NEDD4: variants seen among roughly 807,000 people sequenced by gnomAD.
NEDD4 encodes E3 ubiquitin-protein ligase NEDD4.
NEDD4 carries 99 observed loss-of-function variants against 144.9 expected under a neutral mutation model. That is an observed-to-expected ratio of 0.68 (90% CI 0.58 to 0.81). NEDD4 has a LOEUF of 0.81. Ranked by LOEUF, NEDD4 falls within the 30% of genes least tolerant of loss-of-function variation. The pLI is 0.00. For synonymous variants in NEDD4, 318 were observed against 350.6 expected, an observed-to-expected ratio of 0.91 and a Z score of 1.04; for missense variants, 985 against 1,065.9, an observed-to-expected ratio of 0.92 and a Z score of 1.06.
chr15:55,978,631 G>C (rs1334026059), intron 1 of NEDD4, among the ~76,000 whole-genome samples: 4 of 152,086 alleles, frequency 2.6e-5, no homozygotes, highest in Non-Finnish European at 5.9e-5. Flanking sequence ...AATCAAAACA[G>C]GGACAAAATT....
At chr15:55,858,968 T>G (rs1194813989) in intron 11 of NEDD4, among the ~76,000 whole-genome samples, 1 of 152,182 alleles carries the variant, frequency 6.6e-6, no homozygotes, top group Non-Finnish European at 1.5e-5. Context: ...CAGCTGCTGA[T>G]TTGGCCCACC....
chr15:55,936,062 T>C (rs1204063665), intron 4 of NEDD4, among the ~76,000 whole-genome samples: 1 of 152,094 alleles, frequency 6.6e-6, no homozygotes, highest in Admixed American at 6.6e-5. Context: ...GTGTGCTTAT[T>C]GTGAAGGCAG....
At chr15:55,858,192 A>G (rs1272292312) in intron 11 of NEDD4, among the ~76,000 whole-genome samples, 4 of 152,132 alleles carry the variant, frequency 2.6e-5, no homozygotes, top group African/African-American at 4.8e-5. Context: ...GTTCTCTTCA[A>G]TGGCTGCATA....
chr15:55,880,152 C>A (rs2035133558), intron 5 of NEDD4, among the ~76,000 whole-genome samples: 1 of 152,046 alleles, frequency 6.6e-6, no homozygotes, highest in South Asian at 2.1e-4. Flanking sequence ...ATCAGCAGGG[C>A]ATAGTGGTAC....
At position 55,846,978 on chromosome 15, in the gene NEDD4, C is replaced by A. The variant is rs762700060; in HGVS notation, c.1599G>T (p.Leu533Phe). Residue 533 changes from leucine (L) to phenylalanine (F), a missense_variant, in exon 18 of 29, where the codon TTG becomes TTT. Physicochemically the swap from Leu to Phe is conservative, Grantham distance 22. Coordinates refer to ENST00000435532, the MANE Select transcript of NEDD4 (RefSeq NM_006154.4). ...KRKYEFFRRKLKKQNDIPNKF... is the reference protein window; with the variant it reads ...KRKYEFFRRKFKKQNDIPNKF... ...TATAAACATGACTAACCTGCTTCTT[C>A]AACTTTCTTCGGAAGAACTCATACT... is the stretch of plus-strand genomic sequence containing the variant. 1.2e-6 allele frequency: 2 copies of A among 1,604,522 alleles called. No homozygotes were observed. The highest frequency in any genetic ancestry group is 2.2e-5 in the South Asian group (2 of 90,584).
In NEDD4 at chr15:55,924,641, C is replaced by T. The variant is rs1467278910; in HGVS notation, c.291+5G>A. 6.2e-7 allele frequency: 1 copy of T among 1,606,550 alleles called. No individual in the cohort carries two copies. The highest frequency in any genetic ancestry group is 8.5e-7 in the Non-Finnish European group (1 of 1,176,092). ...CATATTTCATATAAGCACAATATAA[C>T]TTACCAATCGGTTTTCGTCAAACAC... On this transcript the variant is annotated splice_donor_5th_base_variant and intron_variant, in intron 5 of 28. Coordinates refer to ENST00000435532, the MANE Select transcript of NEDD4 (RefSeq NM_006154.4).
intron 5 of NEDD4, among the ~76,000 whole-genome samples, chr15:55,899,190 TTC>T (rs1215543617): frequency 2.0e-5 from 3 of 152,026 alleles, no homozygotes; most frequent in East Asian, 1.9e-4. Flanking sequence ...TTCTTTTTAA[TTC>T]TCTCTCTCTC....
At chr15:55,843,031 T>C (rs1302491065) in intron 18 of NEDD4, among the ~76,000 whole-genome samples, 8 of 152,224 alleles carry the variant, frequency 5.3e-5, no homozygotes, top group African/African-American at 1.7e-4. Context: ...TGCACTGTTC[T>C]CATGATAGTG....
At position 55,900,346 on chromosome 15, in the gene NEDD4, G is replaced by C. The variant is rs532343128; in HGVS notation, c.291+24300C>G. On this transcript the variant is annotated intron_variant, in intron 5 of 28. Transcript: ENST00000435532. ...TATAGCTGCTTGGGATCTTTTATGAGAAGAGAAGAGCTAAGTCAGTGAAAT... is the reference window on the plus strand; with the variant it reads ...TATAGCTGCTTGGGATCTTTTATGACAAGAGAAGAGCTAAGTCAGTGAAAT... 3.3e-5 allele frequency among the ~76,000 whole-genome samples: 5 copies of C among 152,294 alleles called. No homozygotes were observed. In the East Asian group the frequency reaches 9.6e-4, roughly 29 times the overall value.
chr15:55,958,576 G>C (rs971217343), intron 2 of NEDD4, among the ~76,000 whole-genome samples: 4 of 151,818 alleles, frequency 2.6e-5, no homozygotes, highest in Non-Finnish European at 5.9e-5. Context: ...TTCCCTAAAT[G>C]TCTGATAGCT....
At chr15:55,892,963 A>G (rs1352885346) in intron 5 of NEDD4, among the ~76,000 whole-genome samples, 1 of 152,198 alleles carries the variant, frequency 6.6e-6, no homozygotes, top group Non-Finnish European at 1.5e-5. Context: ...TTGCTACCAC[A>G]AACAATGCCT....
chr15:55,849,540 G>A (rs535906574), intron 14 of NEDD4, among the ~76,000 whole-genome samples: 3 of 152,194 alleles, frequency 2.0e-5, no homozygotes, highest in African/African-American at 7.2e-5. Flanking sequence ...CTAAGCCCCA[G>A]AACATGCATT....
chr15:55,949,113 A>C (rs528991157), intron 4 of NEDD4, among the ~76,000 whole-genome samples: 2 of 152,268 alleles, frequency 1.3e-5, no homozygotes, highest in East Asian at 3.9e-4. Context: ...TACAAGAAAA[A>C]AACAACCCCA....
At chr15:55,869,441 G>A in intron 8 of NEDD4, 138 bp downstream of exon 8, 2 of 584,692 alleles carry the variant, frequency 3.4e-6, no homozygotes, top group East Asian at 5.8e-5. Flanking sequence ...AACTATTAAT[G>A]CTTGGGTGAA....
chr15:55,849,300 A>G (rs2033882539), intron 14 of NEDD4, among the ~76,000 whole-genome samples: 1 of 151,952 alleles, frequency 6.6e-6, no homozygotes, highest in Non-Finnish European at 1.5e-5. Flanking sequence ...TCTCAGCTCA[A>G]TGCAACCTCT....
chr15:55,868,573 G>C (rs1005836784), intron 8 of NEDD4, among the ~76,000 whole-genome samples: 3 of 152,058 alleles, frequency 2.0e-5, no homozygotes, highest in Non-Finnish European at 4.4e-5. Context: ...ACACTCTCTT[G>C]CCTGCCACCA....
intron 4 of NEDD4, among the ~76,000 whole-genome samples, chr15:55,950,790 G>A (rs2037224325): frequency 6.6e-6 from 1 of 152,176 alleles, no homozygotes; most frequent in Non-Finnish European, 1.5e-5. Context: ...GATGATACAA[G>A]TGGGAATAAT....
Position 55,840,688 on chromosome 15 carries a change from C to T in NEDD4, c.1878G>A (p.Leu626=), listed in dbSNP as rs145328125. The T allele has an allele frequency of 1.5e-4, 237 of 1,614,032 alleles. 1 individual carries two copies. In the African/African-American group the frequency reaches 2.7e-3, roughly 19 times the overall value. ...YTLQINPNSG[L]CNEDHLSYFK... Reference sequence around the variant, plus strand: ...AGTAAGAGAGGTGATCTTCGTTACACAATCCAGAGTTTGGATTTATCTGTA... The same window carrying T: ...AGTAAGAGAGGTGATCTTCGTTACATAATCCAGAGTTTGGATTTATCTGTA... Residue 626 remains leucine, a synonymous_variant, in exon 20 of 29, where the codon TTG becomes TTA. Coordinates refer to ENST00000435532, the MANE Select transcript of NEDD4 (RefSeq NM_006154.4).
In NEDD4 at chr15:55,858,334, T is replaced by A. The variant is rs190871439; in HGVS notation, c.960+2073A>T. ...TTCTTTTTTTTTTCTTGAGACGGAGTTTCACTCTGTCACCCAAGCTGAAGT... is the reference window on the plus strand; with the variant it reads ...TTCTTTTTTTTTTCTTGAGACGGAGATTCACTCTGTCACCCAAGCTGAAGT... On this transcript the variant is annotated intron_variant, in intron 11 of 28. Coordinates refer to ENST00000435532, the MANE Select transcript of NEDD4 (RefSeq NM_006154.4). Among the ~76,000 whole-genome samples, 315 of 151,940 alleles carry A rather than the reference T, an allele frequency of 2.1e-3. 1 individual carries two copies. The highest frequency in any genetic ancestry group is 3.1e-3 in the Non-Finnish European group (214 of 67,978).
Sources: gnomAD v4.1 joint callset for allele counts (sites outside exome capture counted in the v4.1 genomes callset) on GRCh38, gnomAD v4.1.1 for gene constraint, MANE v1.5 for transcripts, NCBI Gene and HGNC (gene_info 2026-07-23, HGNC 2026-07-21) for gene names.